The following ZSCAN32 variants were observed in gnomAD, a reference collection of about 807,000 sequenced individuals.
ZSCAN32 encodes zinc finger and SCAN domain-containing protein 32.
ZSCAN32 carries 52 observed loss-of-function variants against 47.4 expected under a neutral mutation model. The ratio of observed to expected loss-of-function variants is 1.10; its 90% CI spans 0.88 to 1.38. The LOEUF is 1.38. Among genes scored for constraint, ZSCAN32 ranks in the 40% most tolerant of loss-of-function variants. The pLI is 0.00. For synonymous variants in ZSCAN32, 346 were observed against 305.7 expected (o/e 1.13, Z -1.38); for missense variants, 959 against 846.0 (o/e 1.13, Z -1.66).
Position 3,391,943 on chromosome 16 carries a change from A to G in ZSCAN32, c.533-1426T>C, listed in dbSNP as rs945868276. Reference sequence around the variant, plus strand: ...AAGACCCTGTCTCTTAAAAAAACTTACCTAGCAACCTGTAATGGCAGCTTC... The same window carrying G: ...AAGACCCTGTCTCTTAAAAAAACTTGCCTAGCAACCTGTAATGGCAGCTTC... On this transcript the variant is annotated intron_variant, in intron 3 of 6. Coordinates refer to ENST00000396852, the MANE Select transcript of ZSCAN32 (RefSeq NM_001284527.2). 2.0e-5 allele frequency among the ~76,000 whole-genome samples: 3 copies of G among 152,190 alleles called. No individual in the cohort carries two copies. The South Asian group carries it at 6.2e-4, about 32-fold the overall frequency.
intron 5 of ZSCAN32, among the ~76,000 whole-genome samples, chr16:3,389,519 G>A (rs1400279946): frequency 2.6e-5 from 4 of 152,204 alleles, no homozygotes; most frequent in Non-Finnish European, 5.9e-5. Flanking sequence ...CTGCTTGGCA[G>A]AACCTTCCCC....
At chr16:3,390,193 G>T in intron 4 of ZSCAN32, 60 bp from the exon 5 acceptor site, 1 of 1,514,242 alleles carries the variant, frequency 6.6e-7, no homozygotes, top group Middle Eastern at 1.8e-4. Flanking sequence ...CCTGGGGTGG[G>T]GGCAGAGACA....
Position 3,390,565 on chromosome 16 carries a change from C to T in ZSCAN32, c.533-48G>A, listed in dbSNP as rs983764475. 4.8e-6 allele frequency: 7 copies of T among 1,461,016 alleles called. No homozygotes were observed. In the Admixed American group the frequency reaches 1.0e-4, roughly 21 times the overall value. The allele number at this position is 1,461,016 out of a possible 1,614,324, so 90.5% of individuals were successfully genotyped here. A position where few individuals can be genotyped will look rare whatever the true frequency, so the allele number is the denominator to read the frequency against. On this transcript the variant is annotated intron_variant, in intron 3 of 6. Coordinates refer to ENST00000396852, the MANE Select transcript of ZSCAN32 (RefSeq NM_001284527.2). Reference sequence around the variant, plus strand: ...TTAGAGGGCGGCTTCCACACAACAGCACAGAGCAGAAGCTCTCAAAGTGGG... The same window carrying T: ...TTAGAGGGCGGCTTCCACACAACAGTACAGAGCAGAAGCTCTCAAAGTGGG...
intron 1 of ZSCAN32, among the ~76,000 whole-genome samples, chr16:3,400,274 CTG>C (rs1437364874): frequency 6.6e-6 from 1 of 152,144 alleles, no homozygotes; most frequent in East Asian, 1.9e-4. Context: ...CAAAAAGAAA[CTG>C]AGAGCGATGA....
intron 6 of ZSCAN32, 23 bp downstream of exon 6, chr16:3,384,436 C>G (rs1158250392): frequency 6.2e-7 from 1 of 1,613,446 alleles, no homozygotes; most frequent in African/African-American, 1.3e-5. Context: ...ATCCTTTGAC[C>G]ATCAGAGCCA....
chr16:3,390,424 T>G lies in ZSCAN32; in HGVS notation c.626A>C (p.Gln209Pro), dbSNP rs1260270866. The G allele has an allele frequency of 6.5e-7, 1 of 1,549,166 alleles. No individual in the cohort carries two copies. The highest frequency in any genetic ancestry group is 1.4e-5 in the African/African-American group (1 of 72,986). ...CAGAAGGCATCAACCACAGCTCACC[T>G]GGGACCCAGCTGTCCAGACCACAGC... is the stretch of plus-strand genomic sequence containing the variant. ...TGAVVWTAGS[Q>P]GPAMRDNRAV... Residue 209 changes from glutamine (Q) to proline (P), a missense_variant and splice_region_variant, in exon 4 of 7, where the codon CAG becomes CCG. Coordinates refer to ENST00000396852, the MANE Select transcript of ZSCAN32 (RefSeq NM_001284527.2).
At chr16:3,386,336 G>A (rs1305390575) in intron 5 of ZSCAN32, among the ~76,000 whole-genome samples, 3 of 152,186 alleles carry the variant, frequency 2.0e-5, no homozygotes, top group Non-Finnish European at 2.9e-5. Context: ...CTTTTACACT[G>A]TTGGTGGGAC....
intron 5 of ZSCAN32, among the ~76,000 whole-genome samples, chr16:3,387,615 TG>T (rs2032170877): frequency 6.6e-6 from 1 of 152,202 alleles, no homozygotes; most frequent in African/African-American, 2.4e-5. Flanking sequence ...AGCCTCTTCT[TG>T]TCACCCCCTC....
Position 3,382,823 on chromosome 16 carries a change from G to A in ZSCAN32, c.*29C>T. The A allele has an allele frequency of 6.5e-7, 1 of 1,533,230 alleles. No homozygotes were observed. The highest frequency in any genetic ancestry group is 8.8e-7 in the Non-Finnish European group (1 of 1,139,038). 95.0% of individuals were successfully genotyped at this position (1,533,230 alleles called of 1,614,324 possible). ...GAAAGCTCATACATGCTGACCTGAGGAACTTAATCTGACAGTTTACCGACA... is the reference window on the plus strand; with the variant it reads ...GAAAGCTCATACATGCTGACCTGAGAAACTTAATCTGACAGTTTACCGACA... On this transcript the variant is annotated 3_prime_UTR_variant, in exon 7 of 7. Transcript: ENST00000396852.
chr16:3,398,288 C>T (rs757781137), intron 1 of ZSCAN32, among the ~76,000 whole-genome samples: 3 of 152,142 alleles, frequency 2.0e-5, no homozygotes, highest in Non-Finnish European at 4.4e-5. Context: ...GATGGCTCCA[C>T]CTAGACCAGG....
Position 3,384,508 on chromosome 16 carries a change from G to T in ZSCAN32, c.1185C>A (p.Gly395=), listed in dbSNP as rs147808056. The change falls in exon 6 of 7, where the codon GGC becomes GGA. Residue 395 remains glycine, a synonymous_variant. Transcript: ENST00000396852. ...GCAGGTCTAGTTTCCTGACTTCCTG[G>T]CCAGGATTCCTGAAGTCCTTTTCAT... ...DRDEKDFRNP[G]QEVRKLDLPV... is the part of the protein sequence containing the mutation. 5.1e-5 allele frequency: 82 copies of T among 1,613,980 alleles called. No individual in the cohort carries two copies. In the African/African-American group the frequency reaches 9.5e-4, roughly 19 times the overall value.
chr16:3,399,711 G>A (rs911709956), intron 1 of ZSCAN32, among the ~76,000 whole-genome samples: 1 of 151,976 alleles, frequency 6.6e-6, no homozygotes, highest in African/African-American at 2.4e-5. Flanking sequence ...CTCCCAAAGT[G>A]TTAGGATTAC....
Position 3,391,378 on chromosome 16 carries a change from T to TA in ZSCAN32, c.533-862dup, listed in dbSNP as rs546470929. 2.8e-3 allele frequency among the ~76,000 whole-genome samples: 418 copies of TA among 151,526 alleles called. 1 individual carries two copies. Among genetic ancestry groups the TA allele is most frequent in the Non-Finnish European group, 4.2e-3 (286 of 67,830 alleles). ...TGTTGACAAGAGTATTAACTTTGCT[T>TA]AAAAAAAAACTAAAATCAGCCGGGC... On this transcript the variant is annotated intron_variant, in intron 3 of 6. Coordinates refer to ENST00000396852, the MANE Select transcript of ZSCAN32 (RefSeq NM_001284527.2).
rs757682885 is a variant in ZSCAN32 at position 3,397,464 on chromosome 16, C to G, written c.94G>C (p.Asp32His). ...QKSALQGNSP[D>H]SEASRQRFRQ... ...AAGCGCTGACGGGAGGCCTCGGAGT[C>G]AGGGCTGTTACCCTGGAGGGCTGAT... The change falls in exon 2 of 7, where the codon GAC becomes CAC. Residue 32 changes from aspartate to histidine, a missense_variant. Coordinates refer to ENST00000396852, the MANE Select transcript of ZSCAN32 (RefSeq NM_001284527.2). 1.3e-6 allele frequency: 2 copies of G among 1,550,736 alleles called. No individual in the cohort carries two copies. The highest frequency in any genetic ancestry group is 2.4e-5 in the East Asian group (1 of 40,934).
At chr16:3,390,554 C>G (rs577623437) in intron 3 of ZSCAN32, 37 bp from the exon 4 acceptor site, 2 of 1,491,622 alleles carry the variant, frequency 1.3e-6, no homozygotes, top group Non-Finnish European at 1.8e-6. Flanking sequence ...AGGGCGGCTT[C>G]CACACAACAG....
chr16:3,385,017 T>G, intron 5 of ZSCAN32, 76 bp from the exon 6 acceptor site: 1 of 1,511,186 alleles, frequency 6.6e-7, no homozygotes, highest in Non-Finnish European at 8.8e-7. Flanking sequence ...GTGTGCAGTT[T>G]TGGCAGCTTA....
At position 3,383,328 on chromosome 16, in the gene ZSCAN32, G is replaced by T; in HGVS notation, c.1618C>A (p.Gln540Lys). ...GGCTTCTCGCCTGTGTGGATTCTTT[G>T]ATGCCGAACAAGATAAGAACTTCGG... ...FSRSSYLVRH[Q>K]RIHTGEKPHK... Residue 540 changes from glutamine (Q) to lysine (K), a missense_variant, in exon 7 of 7, where the codon CAA becomes AAA. Physicochemically the swap from Gln to Lys is moderately conservative, Grantham distance 53. Transcript: ENST00000396852. 2 of 1,614,170 alleles carry T rather than the reference G, an allele frequency of 1.2e-6. No individual in the cohort carries two copies. The highest frequency in any genetic ancestry group is 1.7e-6 in the Non-Finnish European group (2 of 1,180,030).
At chr16:3,386,206 G>C (rs2031968794) in intron 5 of ZSCAN32, among the ~76,000 whole-genome samples, 1 of 152,144 alleles carries the variant, frequency 6.6e-6, no homozygotes, top group African/African-American at 2.4e-5. Flanking sequence ...ATCATCACTG[G>C]CCATCAGAGA....
At chr16:3,394,740 A>T (rs1043797603) in intron 2 of ZSCAN32, among the ~76,000 whole-genome samples, 1 of 151,882 alleles carries the variant, frequency 6.6e-6, no homozygotes, top group African/African-American at 2.4e-5. Flanking sequence ...CCTTTCTCTC[A>T]CAGCACTCTT....
Sources: allele counts gnomAD v4.1 joint callset (sites outside exome capture counted in the v4.1 genomes callset), GRCh38; gene constraint gnomAD v4.1.1; transcripts MANE v1.5; gene names NCBI Gene and HGNC (gene_info 2026-07-23, HGNC 2026-07-21).